GABRE: variants seen among roughly 807,000 people sequenced by gnomAD.
GABRE encodes gamma-aminobutyric acid type A receptor subunit epsilon.
In GABRE, 20 loss-of-function variants were observed where a neutral mutation model predicts 31.0. The observed-to-expected ratio is 0.64, with a 90% CI of 0.45 to 0.94. The LOEUF is 0.94. GABRE is among the 40% of genes least tolerant of loss of function. GABRE has a pLI of 0.00. For synonymous variants in GABRE, 155 were observed against 150.6 expected (o/e 1.03, Z -0.21); for missense variants, 420 against 410.7 (o/e 1.02, Z -0.20).
chrX:151,969,093 C>T (rs1189391232), intron 3 of GABRE, among the ~76,000 whole-genome samples: 1 of 112,095 alleles, frequency 8.9e-6, no homozygotes, highest in Non-Finnish European at 1.9e-5. Context: ...TCTAGTGTGA[C>T]CAAAGCACGT....
intron 1 of GABRE, chrX:151,971,829 ATGCG>A (rs1284678583): frequency 1.1e-5 from 1 of 94,951 alleles, no homozygotes; most frequent in East Asian, 3.9e-4. Context: ...TTGGAGATGC[ATGCG>A]TGTGTGTGTG....
At chrX:151,959,601 T>C (rs750691309) in intron 6 of GABRE, 16 of 485,751 alleles carry the variant, frequency 3.3e-5, no homozygotes, top group Non-Finnish European at 5.8e-5. Context: ...GAACTTTATC[T>C]ACTTACCTAA....
chrX:151,962,088 G>GT (rs1477337010), intron 4 of GABRE, among the ~76,000 whole-genome samples: 1 of 111,425 alleles, frequency 9.0e-6, no homozygotes, highest in African/African-American at 3.3e-5. Flanking sequence ...CACTGTGGAC[G>GT]TATCTTTGTA....
rs377185335 is a variant in GABRE, at chrX:151,954,994, C to T, written c.1228G>A (p.Val410Ile). The change falls in exon 9 of 9, where the codon GTC becomes ATC. Residue 410 changes from valine to isoleucine, a missense_variant. By Grantham distance (29) the Val-to-Ile change is conservative. Transcript: ENST00000370328. ...QHQEAFVCQI[V>I]TTEGSDGEER... is the part of the protein sequence containing the mutation. Reference sequence around the variant, plus strand: ...TCTCCATCACTTCCCTCAGTGGTGACAATCTGGCACACAAAAGCTTCCTGA... The same window carrying T: ...TCTCCATCACTTCCCTCAGTGGTGATAATCTGGCACACAAAAGCTTCCTGA... 3 of 1,205,488 alleles carry T rather than the reference C, an allele frequency of 2.5e-6. No homozygotes were observed. The highest frequency in any genetic ancestry group is 3.4e-6 in the Non-Finnish European group (3 of 892,349).
chrX:151,974,372 G>A, intron 1 of GABRE, among the ~76,000 whole-genome samples, 198 bp downstream of exon 1: 1 of 111,782 alleles, frequency 8.9e-6, no homozygotes, highest in Middle Eastern at 4.7e-3. Context: ...GACCCCGGGA[G>A]CCCATCCTAC....
At chrX:151,969,640 A>G in intron 3 of GABRE, 29 bp downstream of exon 3, 1 of 1,190,971 alleles carries the variant, frequency 8.4e-7, no homozygotes, top group Non-Finnish European at 1.1e-6. Flanking sequence ...CTGGGCTAGG[A>G]AATAGTACTA....
At chrX:151,967,587 A>G (rs1056714828) in intron 3 of GABRE, among the ~76,000 whole-genome samples, 8 of 112,490 alleles carry the variant, frequency 7.1e-5, no homozygotes, top group African/African-American at 2.6e-4. Flanking sequence ...AAACAATGCT[A>G]GCAAAATTAA....
intron 6 of GABRE, 32 bp downstream of exon 6, chrX:151,959,807 C>T: frequency 3.3e-6 from 4 of 1,202,520 alleles, no homozygotes; most frequent in Middle Eastern, 4.7e-4. Context: ...CTACCACCTT[C>T]CTGGACTTCC....
chrX:151,974,241 G>C (rs960516740), intron 1 of GABRE, among the ~76,000 whole-genome samples: 1 of 111,676 alleles, frequency 9.0e-6, no homozygotes, highest in African/African-American at 3.3e-5. Flanking sequence ...CTGTTCCTGC[G>C]CAAGACTCCG....
intron 5 of GABRE, 193 bp downstream of exon 5, chrX:151,961,090 G>A: frequency 2.4e-6 from 1 of 411,304 alleles, no homozygotes; most frequent in Non-Finnish European, 4.3e-6. Flanking sequence ...ATACGCTTCA[G>A]AGGCACGTGG....
At position 151,955,046 on chromosome X, in the gene GABRE, T is replaced by G. The variant is rs758789116; in HGVS notation, c.1176A>C (p.Ala392=). Residue 392 remains alanine, a synonymous_variant, in exon 9 of 9, where the codon GCA becomes GCC. Transcript: ENST00000370328. ...INSRAHARTR[A]RSRACARQHQ... ...GTTGGCGGGCACAGGCTCGGGAACGTGCACGGGTACGGGCATGGGCACGGC... is the reference window on the plus strand; with the variant it reads ...GTTGGCGGGCACAGGCTCGGGAACGGGCACGGGTACGGGCATGGGCACGGC... 14 of 1,201,003 alleles carry G rather than the reference T, an allele frequency of 1.2e-5. No homozygotes were observed. The highest frequency in any genetic ancestry group is 1.8e-5 in the African/African-American group (1 of 56,997).
At chrX:151,972,760 T>A in intron 1 of GABRE, 2 of 540,330 alleles carry the variant, frequency 3.7e-6, no homozygotes, top group Non-Finnish European at 4.5e-6. Context: ...CAAAACCTCA[T>A]CTTGAGGTCC....
chrX:151,955,689 T>C lies in GABRE; in HGVS notation c.937+19A>G, dbSNP rs751530972. 13 of 1,209,719 alleles carry C rather than the reference T, an allele frequency of 1.1e-5. No individual in the cohort carries two copies. Among genetic ancestry groups the C allele is most frequent in the Non-Finnish European group, 1.3e-5 (12 of 894,844 alleles). On this transcript the variant is annotated intron_variant, in intron 7 of 8. Transcript: ENST00000370328. ...ACTCCCAGCCATGTGCCTATGCGTA[T>C]ACCTGTTTCTCCTCTTACCTAGAGA...
chrX:151,969,687 A>C lies in GABRE; in HGVS notation c.324T>G (p.Pro108=). ...TVEISVNSLG[P]LSILDMEYTI... is the part of the protein sequence containing the mutation. ...TACTCACCATGTCTAGGATAGAGAG[A>C]GGACCAAGGCTGTTGACGGAGATCT... Residue 108 remains proline, a synonymous_variant, in exon 3 of 9, where the codon CCT becomes CCG. Coordinates refer to ENST00000370328, the MANE Select transcript of GABRE (RefSeq NM_004961.4). 1 of 1,209,803 alleles carries C rather than the reference A, an allele frequency of 8.3e-7. No homozygotes were observed. The highest frequency in any genetic ancestry group is 1.8e-5 in the South Asian group (1 of 56,493).
At chrX:151,969,143 C>G (rs180999083) in intron 3 of GABRE, among the ~76,000 whole-genome samples, 198 of 111,612 alleles carry the variant, frequency 1.8e-3, no homozygotes, top group African/African-American at 6.3e-3. Flanking sequence ...CCATGGAGGG[C>G]CTTCAACTGC....
intron 4 of GABRE, among the ~76,000 whole-genome samples, chrX:151,961,783 G>A (rs1013868945): frequency 4.6e-5 from 5 of 109,676 alleles, no homozygotes; most frequent in African/African-American, 1.7e-4. Context: ...AAGACAAAAA[G>A]CTCAAAGGAG....
chrX:151,974,181 C>A (rs966423527), intron 1 of GABRE, among the ~76,000 whole-genome samples: 3 of 111,957 alleles, frequency 2.7e-5, no homozygotes, highest in South Asian at 3.8e-4. Flanking sequence ...CACCTCCGGC[C>A]CCCCCAGTAG....
At position 151,963,524 on chromosome X, in the gene GABRE, A is replaced by G. The variant is rs59297476; in HGVS notation, c.343-881T>C. Among the ~76,000 whole-genome samples the G allele has an allele frequency of 6.9e-3, 780 of 112,465 alleles. 10 individuals are homozygous for G. The highest frequency in any genetic ancestry group is 0.024 in the African/African-American group (729 of 31,011). ...TTTGAAAATGATTCCACACTTTGGG[A>G]AAGTGTTGCCCAACAGAATGGCAAA... On this transcript the variant is annotated intron_variant, in intron 3 of 8. Transcript: ENST00000370328.
intron 3 of GABRE, among the ~76,000 whole-genome samples, chrX:151,966,182 G>C (rs1289417094): frequency 8.9e-6 from 1 of 112,426 alleles, no homozygotes; most frequent in East Asian, 2.8e-4. Context: ...TTTTTCCCCA[G>C]TTTGACAAAG....
Sources: allele counts gnomAD v4.1 joint callset (sites outside exome capture counted in the v4.1 genomes callset), GRCh38; gene constraint gnomAD v4.1.1; transcripts MANE v1.5; gene names NCBI Gene and HGNC (gene_info 2026-07-23, HGNC 2026-07-21).